Variants in GZMK observed in about 807,000 individuals in gnomAD.
GZMK encodes granzyme K.
Under a neutral mutation model 22.8 loss-of-function variants are expected in GZMK, and 18 were observed. The observed-to-expected ratio is 0.79, with a 90% CI of 0.54 to 1.17. The LOEUF (loss-of-function observed/expected upper bound fraction) is 1.17. GZMK is among the 50% of genes most tolerant of loss of function. The pLI is 0.00. For missense variants in GZMK, 342 were observed against 320.2 expected, an observed-to-expected ratio of 1.07 and a Z score of -0.52; for synonymous variants, 136 against 115.0, an observed-to-expected ratio of 1.18 and a Z score of -1.17.
In GZMK at chr5:55,034,518, A is replaced by C. The variant is rs2111625291; in HGVS notation, c.*592A>C. On this transcript the variant is annotated 3_prime_UTR_variant, in exon 5 of 5. Coordinates refer to ENST00000231009, the MANE Select transcript of GZMK (RefSeq NM_002104.3). Reference sequence around the variant, plus strand: ...AAGCTTCTATGAGTTTGTATTTTTTAAATATAAATCATAAATATAAATATC... The same window carrying C: ...AAGCTTCTATGAGTTTGTATTTTTTCAATATAAATCATAAATATAAATATC... 1 of 152,324 alleles carries C rather than the reference A, an allele frequency of 6.6e-6. No homozygotes were observed. Among genetic ancestry groups the C allele is most frequent in the East Asian group, 1.9e-4 (1 of 5,188 alleles). The allele number at this position is 152,324 out of a possible 1,614,324, so 9.4% of individuals were successfully genotyped here.
At chr5:55,031,234 A>G in intron 3 of GZMK, 130 bp from the exon 4 acceptor site, 1 of 726,194 alleles carries the variant, frequency 1.4e-6, no homozygotes. Flanking sequence ...ATGCAGCTGC[A>G]GGCCACCACC....
rs374500903 is a variant in GZMK, at chr5:55,024,850, G to C, written c.212+43G>C. 2.2e-5 allele frequency: 30 copies of C among 1,341,776 alleles called. No individual in the cohort carries two copies. In the African/African-American group the frequency reaches 4.2e-4, roughly 19 times the overall value. The allele number at this position is 1,341,776 out of a possible 1,614,324, so 83.1% of individuals were successfully genotyped here. A position where few individuals can be genotyped will look rare whatever the true frequency, so the allele number is the denominator to read the frequency against. Reference sequence around the variant, plus strand: ...TTCCAGACATGTGTTTTTTCTGAAAGTTATTATAGGTACAAGAGAAGCTTA... The same window carrying C: ...TTCCAGACATGTGTTTTTTCTGAAACTTATTATAGGTACAAGAGAAGCTTA... On this transcript the variant is annotated intron_variant, in intron 2 of 4. Coordinates refer to ENST00000231009, the MANE Select transcript of GZMK (RefSeq NM_002104.3).
intron 2 of GZMK, chr5:55,025,772 G>A (rs949828219): frequency 2.6e-5 from 4 of 152,148 alleles, no homozygotes; most frequent in Non-Finnish European, 5.9e-5. Context: ...TATCTAAACA[G>A]AACAATTGAA....
rs747464435 is a variant in GZMK at position 55,024,400 on chromosome 5, A to G, written c.64+14A>G. 8.4e-6 allele frequency: 10 copies of G among 1,183,796 alleles called. No homozygotes were observed. The highest frequency in any genetic ancestry group is 1.3e-5 in the Non-Finnish European group (10 of 794,220). 73.3% of individuals were successfully genotyped at this position (1,183,796 alleles called of 1,614,324 possible). On this transcript the variant is annotated intron_variant, in intron 1 of 4. Transcript: ENST00000231009. Reference sequence around the variant, plus strand: ...TGACTCATGTGTGTAAGTATCTCCTATATCTACATGTAAACATTAAATGAA... The same window carrying G: ...TGACTCATGTGTGTAAGTATCTCCTGTATCTACATGTAAACATTAAATGAA...
intron 2 of GZMK, 116 bp from the exon 3 acceptor site, chr5:55,030,318 G>A: frequency 1.1e-6 from 1 of 908,472 alleles, no homozygotes; most frequent in South Asian, 1.6e-5. Flanking sequence ...TCTTAGGCAG[G>A]TTACCTTGGA....
intron 4 of GZMK, among the ~76,000 whole-genome samples, chr5:55,032,157 A>C (rs1364441122): frequency 6.6e-6 from 1 of 152,216 alleles, no homozygotes; most frequent in Non-Finnish European, 1.5e-5. Context: ...TATTCTGTTC[A>C]AGATCAAGAT....
chr5:55,030,246 T>A, intron 2 of GZMK, 188 bp from the exon 3 acceptor site: 1 of 514,006 alleles, frequency 1.9e-6, no homozygotes, highest in Non-Finnish European at 3.4e-6. Context: ...TAAGGGCAAG[T>A]CATTTGGCCC....
intron 4 of GZMK, 32 bp downstream of exon 4, chr5:55,031,665 G>C: frequency 6.3e-7 from 1 of 1,596,734 alleles, no homozygotes; most frequent in African/African-American, 1.3e-5. Flanking sequence ...AGGCATCTTG[G>C]AGCGCTGTAC....
chr5:55,028,773 A>G (rs1741174944), intron 2 of GZMK, among the ~76,000 whole-genome samples: 1 of 152,256 alleles, frequency 6.6e-6, no homozygotes, highest in African/African-American at 2.4e-5. Flanking sequence ...ACTGTAATGG[A>G]ATGTATCTGT....
At chr5:55,024,589 T>G in intron 1 of GZMK, 71 bp from the exon 2 acceptor site, 1 of 1,094,700 alleles carries the variant, frequency 9.1e-7, no homozygotes, top group South Asian at 1.5e-5. Flanking sequence ...ATATAGTGAC[T>G]GTCATTGGAA....
rs781502723 is a variant in GZMK, at chr5:55,031,594, C to T, written c.594C>T (p.Val198=). The T allele has an allele frequency of 4.0e-5, 64 of 1,613,870 alleles. No individual in the cohort carries two copies. The South Asian group carries it at 6.7e-4, about 17-fold the overall frequency. The change falls in exon 4 of 5, where the codon GTC becomes GTT. Residue 198 remains valine (V), a synonymous_variant. Transcript: ENST00000231009. ...ACCCTTTTATCACCAAAGACATGGT[C>T]TGTGCAGGAGATGCCAAAGGCCAGA... The part of the protein sequence containing the change: ...NGDPFITKDM[V]CAGDAKGQKD...
intron 4 of GZMK, among the ~76,000 whole-genome samples, chr5:55,033,448 GATT>G (rs1271856338): frequency 2.6e-5 from 4 of 152,208 alleles, no homozygotes; most frequent in Non-Finnish European, 5.9e-5. Context: ...AATAGTCATT[GATT>G]CCCAGAGGAA....
Position 55,034,036 on chromosome 5 carries a change from G to T in GZMK, c.*110G>T. On this transcript the variant is annotated 3_prime_UTR_variant, in exon 5 of 5. Transcript: ENST00000231009. ...ACATATGGGGTCCATTTTTGCACTT[G>T]TAAGTCATTTTATTAAGGAATCAAG... 3.0e-6 allele frequency: 2 copies of T among 661,082 alleles called. No individual in the cohort carries two copies. The highest frequency in any genetic ancestry group is 5.0e-6 in the Non-Finnish European group (2 of 403,770). 41.0% of individuals were successfully genotyped at this position (661,082 alleles called of 1,614,324 possible). A position where few individuals can be genotyped will look rare whatever the true frequency, so the allele number is the denominator to read the frequency against.
chr5:55,033,931 C>A lies in GZMK; in HGVS notation c.*5C>A, dbSNP rs751759660. On this transcript the variant is annotated 3_prime_UTR_variant, in exon 5 of 5. Transcript: ENST00000231009. Reference sequence around the variant, plus strand: ...GTCCCGCCTCATACAAATTAAGTTACAAATAATTTTATTGGATGCACTTGC... The same window carrying A: ...GTCCCGCCTCATACAAATTAAGTTAAAAATAATTTTATTGGATGCACTTGC... The A allele has an allele frequency of 6.3e-7, 1 of 1,599,524 alleles. No individual in the cohort carries two copies. Among genetic ancestry groups the A allele is most frequent in the Non-Finnish European group, 8.5e-7 (1 of 1,174,938 alleles).
chr5:55,031,710 G>A (rs1741238234), intron 4 of GZMK, 77 bp downstream of exon 4: 2 of 1,180,780 alleles, frequency 1.7e-6, no homozygotes, highest in Non-Finnish European at 2.4e-6. Context: ...TGACACTGAG[G>A]AGGAGGGAGG....
chr5:55,028,068 C>T (rs1009807647), intron 2 of GZMK: 2 of 152,164 alleles, frequency 1.3e-5, no homozygotes, highest in Non-Finnish European at 2.9e-5. Context: ...TGTTTTTGGT[C>T]TTAACATGTC....
chr5:55,030,685 C>A (rs1490930780), intron 3 of GZMK, 101 bp downstream of exon 3: 1 of 841,646 alleles, frequency 1.2e-6, no homozygotes, highest in Non-Finnish European at 2.0e-6. Flanking sequence ...TAGCACCCTC[C>A]CCATGTTTGA....
chr5:55,033,893 C>T lies in GZMK; in HGVS notation c.762C>T (p.Ile254=), dbSNP rs919947038. 25 of 1,612,400 alleles carry T rather than the reference C, an allele frequency of 1.6e-5. No homozygotes were observed. Among genetic ancestry groups the T allele is most frequent in the Non-Finnish European group, 2.0e-5 (23 of 1,179,396 alleles). Residue 254 remains isoleucine (I), a synonymous_variant, in exon 5 of 5, where the codon ATC becomes ATT. Transcript: ENST00000231009. ...TAACCAAGAAATACCAGACTTGGATCAAAAGCAACCTTGTCCCGCCTCATA... is the reference window on the plus strand; with the variant it reads ...TAACCAAGAAATACCAGACTTGGATTAAAAGCAACCTTGTCCCGCCTCATA... The part of the protein sequence containing the change: ...TLLTKKYQTW[I]KSNLVPPHTN
intron 4 of GZMK, chr5:55,032,782 A>C (rs559930317): frequency 1.6e-4 from 25 of 152,312 alleles, no homozygotes; most frequent in African/African-American, 6.0e-4. Flanking sequence ...TCATTTGTTT[A>C]TTGAGATGGT....
Sources: gnomAD v4.1 joint callset for allele counts (sites outside exome capture counted in the v4.1 genomes callset) on GRCh38, gnomAD v4.1.1 for gene constraint, MANE v1.5 for transcripts, NCBI Gene and HGNC (gene_info 2026-07-23, HGNC 2026-07-21) for gene names.